DPP10: variants seen among roughly 807,000 people sequenced by gnomAD.
DPP10 encodes dipeptidyl peptidase like 10, also known as inactive dipeptidyl peptidase 10.
DPP10 carries 33 observed loss-of-function variants against 120.9 expected under a neutral mutation model. That is an observed-to-expected ratio of 0.27 (90% CI 0.21 to 0.37). The LOEUF is 0.37. Ranked by LOEUF, DPP10 falls within the 10% of genes least tolerant of loss-of-function variation. The pLI is 1.00. For synonymous variants in DPP10, 337 were observed against 326.1 expected (o/e 1.03, Z -0.36); for missense variants, 816 against 942.8 (o/e 0.87, Z 1.76).
chr2:114,866,797 A>G (rs2106549626), intron 1 of DPP10, among the ~76,000 whole-genome samples: 1 of 152,348 alleles, frequency 6.6e-6, no homozygotes, highest in South Asian at 2.1e-4. Flanking sequence ...TGCTGTGCTT[A>G]AAGTCCAAGA....
chr2:115,042,114 G>A (rs1704699628), intron 1 of DPP10, among the ~76,000 whole-genome samples: 1 of 146,184 alleles, frequency 6.8e-6, no homozygotes, highest in African/African-American at 2.5e-5. Flanking sequence ...GCACCTACCT[G>A]CTAAGTGATT....
At chr2:115,737,392 C>T (rs1676684623) in intron 8 of DPP10, among the ~76,000 whole-genome samples, 2 of 152,104 alleles carry the variant, frequency 1.3e-5, no homozygotes, top group Non-Finnish European at 2.9e-5. Flanking sequence ...CTTGGTATCC[C>T]ATGGTGAGGC....
intron 1 of DPP10, among the ~76,000 whole-genome samples, chr2:114,663,698 A>AGAGAGAGAGAGAGAGAGAGAG (rs1697671025): frequency 1.2e-5 from 1 of 81,706 alleles, no homozygotes; most frequent in African/African-American, 7.5e-5. Flanking sequence ...GAGAGAGAGA[A>AGAGAGAGAGAGAGAGAGAGAG]ACTGACTGAC....
At chr2:115,380,895 G>C (rs1392843563) in intron 3 of DPP10, among the ~76,000 whole-genome samples, 1 of 152,258 alleles carries the variant, frequency 6.6e-6, no homozygotes, top group Non-Finnish European at 1.5e-5. Flanking sequence ...CTCTCTTCTG[G>C]CTTGTAGAGT....
At chr2:115,026,620 C>G (rs1300084180) in intron 1 of DPP10, among the ~76,000 whole-genome samples, 4 of 152,166 alleles carry the variant, frequency 2.6e-5, no homozygotes, top group Non-Finnish European at 4.4e-5. Flanking sequence ...ATTGCAACCT[C>G]TGCCTCCTGT....
chr2:114,781,252 G>A (rs953071156), intron 1 of DPP10, among the ~76,000 whole-genome samples: 6 of 152,040 alleles, frequency 3.9e-5, no homozygotes, highest in Non-Finnish European at 7.4e-5. Flanking sequence ...CTAAATCCTC[G>A]TGATCACATC....
chr2:115,345,722 G>A (rs966990258), intron 3 of DPP10, among the ~76,000 whole-genome samples: 2 of 152,068 alleles, frequency 1.3e-5, no homozygotes, highest in African/African-American at 2.4e-5. Context: ...TTGAAGCTCC[G>A]AAGGACAGGA....
intron 5 of DPP10, among the ~76,000 whole-genome samples, chr2:115,573,680 TG>T (rs1238711863): frequency 2.8e-5 from 4 of 144,772 alleles, no homozygotes; most frequent in African/African-American, 1.0e-4. Flanking sequence ...CTCCGCCTCC[TG>T]GGTTTAAGCA....
intron 1 of DPP10, among the ~76,000 whole-genome samples, chr2:115,089,537 A>G (rs1350618509): frequency 6.6e-6 from 1 of 152,134 alleles, no homozygotes; most frequent in African/African-American, 2.4e-5. Flanking sequence ...CTTTCCTCCC[A>G]TACTGTACAA....
intron 1 of DPP10, among the ~76,000 whole-genome samples, chr2:114,767,207 CAAAAAAAAAAA>C (rs5833559): frequency 3.0e-5 from 1 of 33,060 alleles, no homozygotes; most frequent in East Asian, 1.2e-3. Flanking sequence ...AGGATAAAAG[CAAAAAAAAAAA>C]AAAAAAAAAA....
At chr2:115,280,988 A>T (rs1336877326) in intron 1 of DPP10, among the ~76,000 whole-genome samples, 1 of 152,170 alleles carries the variant, frequency 6.6e-6, no homozygotes. Context: ...ATGAAACTGG[A>T]ATCCAATCCT....
intron 1 of DPP10, among the ~76,000 whole-genome samples, chr2:114,764,000 A>G (rs1199319902): frequency 6.6e-6 from 1 of 152,158 alleles, no homozygotes; most frequent in Non-Finnish European, 1.5e-5. Context: ...GCAGAAAGAA[A>G]TTTTTAAATT....
At chr2:114,520,052 C>A (rs1684927296) in intron 1 of DPP10, among the ~76,000 whole-genome samples, 1 of 152,200 alleles carries the variant, frequency 6.6e-6, no homozygotes, top group African/African-American at 2.4e-5. Context: ...AATCTTCTTT[C>A]CTTAGAAAAA....
At chr2:115,663,080 G>T (rs1025834697) in intron 5 of DPP10, among the ~76,000 whole-genome samples, 10 of 152,038 alleles carry the variant, frequency 6.6e-5, no homozygotes, top group African/African-American at 2.2e-4. Flanking sequence ...CAAGCATGCG[G>T]TGTGAAATAA....
intron 9 of DPP10, among the ~76,000 whole-genome samples, chr2:115,741,583 G>T (rs1328628634): frequency 6.6e-6 from 1 of 152,036 alleles, no homozygotes; most frequent in Non-Finnish European, 1.5e-5. Flanking sequence ...ATGTGAAATG[G>T]AGAACTAGTG....
chr2:114,480,400 T>C (rs1054370042), intron 1 of DPP10, among the ~76,000 whole-genome samples: 47 of 152,130 alleles, frequency 3.1e-4, no homozygotes, highest in Non-Finnish European at 5.0e-4. Flanking sequence ...TAAAGACACA[T>C]GCACACGTAT....
At position 115,822,454 on chromosome 2, in the gene DPP10, T is replaced by G. The variant is rs1250413010; in HGVS notation, c.1950+6725T>G. Among the ~76,000 whole-genome samples the G allele has an allele frequency of 1.3e-5, 2 of 151,988 alleles. 1 individual carries two copies. The highest frequency in any genetic ancestry group is 3.8e-4 in the East Asian group (2 of 5,200). The stretch of plus-strand genomic sequence containing the variant: ...GATGTATTACATTTCTTTATAAATT[T>G]TAGAATCACTTTGTATCTTTTCTAA... On this transcript the variant is annotated intron_variant, in intron 21 of 25. Coordinates refer to ENST00000410059, the MANE Select transcript of DPP10 (RefSeq NM_020868.6).
At position 114,769,750 on chromosome 2, in the gene DPP10, G is replaced by A. The variant is rs536391027; in HGVS notation, c.60+326912G>A. ...CTCATATGCAAGTGTATACATATAC[G>A]TCCAGGCATGCACACAACACACACA... On this transcript the variant is annotated intron_variant, in intron 1 of 25. Coordinates refer to ENST00000410059, the MANE Select transcript of DPP10 (RefSeq NM_020868.6). Among the ~76,000 whole-genome samples the A allele has an allele frequency of 3.3e-5, 5 of 152,074 alleles. No homozygotes were observed. In the East Asian group the frequency reaches 5.8e-4, roughly 18 times the overall value.
At chr2:114,875,916 G>A (rs1195744406) in intron 1 of DPP10, among the ~76,000 whole-genome samples, 1 of 152,030 alleles carries the variant, frequency 6.6e-6, no homozygotes, top group East Asian at 1.9e-4. Context: ...TATGTTTAGT[G>A]GAATGTGACA....
Sources: allele counts gnomAD v4.1 joint callset (sites outside exome capture counted in the v4.1 genomes callset), GRCh38; gene constraint gnomAD v4.1.1; transcripts MANE v1.5; gene names NCBI Gene and HGNC (gene_info 2026-07-23, HGNC 2026-07-21).